The following KCND2 variants were observed in gnomAD, a reference collection of about 807,000 sequenced individuals.
KCND2 encodes the protein A-type voltage-gated potassium channel KCND2.
In KCND2, 16 loss-of-function variants were observed where a neutral mutation model predicts 54.4. The ratio of observed to expected loss-of-function variants is 0.29; its 90% CI spans 0.20 to 0.45. The LOEUF (loss-of-function observed/expected upper bound fraction) is 0.45, where lower values mean the gene tolerates loss of function less well. Among genes scored for constraint, KCND2 ranks in the 20% least tolerant of loss-of-function variants. The pLI, the probability that KCND2 is intolerant of heterozygous loss-of-function variation, is 1.00. For synonymous variants in KCND2, 317 were observed against 310.7 expected (o/e 1.02, Z -0.21); for missense variants, 486 against 824.2 (o/e 0.59, Z 5.02).
At chr7:120,537,194 T>C (rs1443664718) in intron 1 of KCND2, among the ~76,000 whole-genome samples, 2 of 152,148 alleles carry the variant, frequency 1.3e-5, no homozygotes, top group South Asian at 2.1e-4. Context: ...GTGATCTTCT[T>C]GTACATTTCT....
chr7:120,640,997 T>C (rs1008276764), intron 1 of KCND2, among the ~76,000 whole-genome samples: 2 of 152,234 alleles, frequency 1.3e-5, no homozygotes, highest in African/African-American at 4.8e-5. Context: ...TTGAAGACTG[T>C]GTTGATGATA....
chr7:120,537,178 A>G (rs1272589136), intron 1 of KCND2, among the ~76,000 whole-genome samples: 1 of 152,210 alleles, frequency 6.6e-6, no homozygotes, highest in Non-Finnish European at 1.5e-5. Flanking sequence ...AGGCATAAAA[A>G]CAGTGGTGAT....
chr7:120,523,859 A>T (rs1791734715), intron 1 of KCND2, among the ~76,000 whole-genome samples: 1 of 151,342 alleles, frequency 6.6e-6, no homozygotes, highest in South Asian at 2.1e-4. Flanking sequence ...AAATGTAAAA[A>T]AGTATAGAAT....
chr7:120,610,672 A>T (rs968561759), intron 1 of KCND2, among the ~76,000 whole-genome samples: 61 of 152,204 alleles, frequency 4.0e-4, no homozygotes, highest in African/African-American at 1.4e-3. Context: ...CACGAGATAG[A>T]TATACTGTGC....
At chr7:120,512,950 A>G (rs538993079) in intron 1 of KCND2, among the ~76,000 whole-genome samples, 1 of 151,794 alleles carries the variant, frequency 6.6e-6, no homozygotes, top group Non-Finnish European at 1.5e-5. Flanking sequence ...ATGCACCACC[A>G]TGCTGAGCTA....
At chr7:120,327,555 G>T (rs1799996414) in intron 1 of KCND2, among the ~76,000 whole-genome samples, 1 of 151,974 alleles carries the variant, frequency 6.6e-6, no homozygotes, top group African/African-American at 2.4e-5. Context: ...AGCAACTAAA[G>T]AAATTTATGA....
chr7:120,548,189 C>G (rs559598325), intron 1 of KCND2, among the ~76,000 whole-genome samples: 40 of 152,082 alleles, frequency 2.6e-4, no homozygotes, highest in African/African-American at 9.6e-4. Context: ...AATGAAGATC[C>G]ACTTCAGGAG....
At chr7:120,428,679 ACTT>A (rs1801748843) in intron 1 of KCND2, among the ~76,000 whole-genome samples, 1 of 152,320 alleles carries the variant, frequency 6.6e-6, no homozygotes, top group Non-Finnish European at 1.5e-5. Flanking sequence ...GAATCAGTGA[ACTT>A]TGGCTCTAGG....
intron 1 of KCND2, among the ~76,000 whole-genome samples, chr7:120,686,795 C>T (rs1429352069): frequency 6.6e-6 from 1 of 152,086 alleles, no homozygotes; most frequent in Non-Finnish European, 1.5e-5. Flanking sequence ...AGAAAAAGGT[C>T]ATATACCAGT....
chr7:120,678,373 A>ATG (rs56957752), intron 1 of KCND2, among the ~76,000 whole-genome samples: 1 of 127,194 alleles, frequency 7.9e-6, no homozygotes, highest in Non-Finnish European at 1.7e-5. Context: ...ATATATATAT[A>ATG]CGCACACACA....
intron 1 of KCND2, among the ~76,000 whole-genome samples, chr7:120,517,311 GTATTT>G (rs898241948): frequency 2.2e-4 from 34 of 151,918 alleles, no homozygotes; most frequent in African/African-American, 8.0e-4. Context: ...AAAATGAGTA[GTATTT>G]TATTCTTAGT....
chr7:120,517,045 C>T (rs2116340868), intron 1 of KCND2, among the ~76,000 whole-genome samples: 1 of 152,230 alleles, frequency 6.6e-6, no homozygotes, highest in South Asian at 2.1e-4. Flanking sequence ...TTCAGCATGT[C>T]AAGTTCTACT....
rs74483840 is a variant in KCND2, at chr7:120,527,852, G to A, written c.1116-205051G>A. On this transcript the variant is annotated intron_variant, in intron 1 of 5. Coordinates refer to ENST00000331113, the MANE Select transcript of KCND2 (RefSeq NM_012281.3). Reference sequence around the variant, plus strand: ...GGACATGTTTATGAAATGAATAAATGGACGAATGTATACATATCTTTGCAA... The same window carrying A: ...GGACATGTTTATGAAATGAATAAATAGACGAATGTATACATATCTTTGCAA... 2.3e-3 allele frequency among the ~76,000 whole-genome samples: 346 copies of A among 152,136 alleles called. 2 individuals are homozygous for A. Among genetic ancestry groups the A allele is most frequent in the African/African-American group, 7.9e-3 (326 of 41,482 alleles).
chr7:120,552,596 G>A (rs576488708), intron 1 of KCND2, among the ~76,000 whole-genome samples: 13 of 152,328 alleles, frequency 8.5e-5, no homozygotes, highest in African/African-American at 2.9e-4. Context: ...GCTAAGAGCA[G>A]TAACCTGAGA....
intron 1 of KCND2, among the ~76,000 whole-genome samples, chr7:120,518,294 T>C: frequency 6.6e-6 from 1 of 152,294 alleles, no homozygotes; most frequent in East Asian, 1.9e-4. Flanking sequence ...ACTGACTATA[T>C]AGTGTTAAGT....
chr7:120,693,315 T>C (rs1374243004), intron 1 of KCND2, among the ~76,000 whole-genome samples: 2 of 152,172 alleles, frequency 1.3e-5, no homozygotes, highest in Non-Finnish European at 2.9e-5. Context: ...GCTTCGTACT[T>C]AACAGGTATA....
At chr7:120,518,924 CT>C (rs1321475733) in intron 1 of KCND2, among the ~76,000 whole-genome samples, 2 of 152,086 alleles carry the variant, frequency 1.3e-5, no homozygotes, top group Non-Finnish European at 2.9e-5. Context: ...AAGCAGAGAC[CT>C]TTCTATGAAG....
At chr7:120,459,159 C>G (rs1406304851) in intron 1 of KCND2, among the ~76,000 whole-genome samples, 1 of 152,078 alleles carries the variant, frequency 6.6e-6, no homozygotes. Context: ...ACTACAAAAT[C>G]TGGCCTCAGT....
At chr7:120,501,612 TA>T (rs1178864773) in intron 1 of KCND2, among the ~76,000 whole-genome samples, 1 of 152,120 alleles carries the variant, frequency 6.6e-6, no homozygotes, top group Non-Finnish European at 1.5e-5. Flanking sequence ...ATATTTAAAA[TA>T]AAAATCTGCT....
Sources: gnomAD v4.1 joint callset for allele counts (sites outside exome capture counted in the v4.1 genomes callset) on GRCh38, gnomAD v4.1.1 for gene constraint, MANE v1.5 for transcripts, NCBI Gene and HGNC (gene_info 2026-07-23, HGNC 2026-07-21) for gene names.